ABCB5: variants seen among roughly 807,000 people sequenced by gnomAD.
ABCB5 encodes ATP-binding cassette sub-family B member 5.
In ABCB5, 155 loss-of-function variants were observed where a neutral mutation model predicts 144.2. The ratio of observed to expected loss-of-function variants is 1.08; its 90% CI spans 0.94 to 1.23. The LOEUF is 1.23. ABCB5 is among the 50% of genes most tolerant of loss of function. The probability of loss-of-function intolerance (pLI) is 0.00; values close to 1 mark genes in which losing one functional copy is unlikely to be tolerated. For synonymous variants in ABCB5, 610 were observed against 528.6 expected (o/e 1.15, Z -2.11); for missense variants, 1,830 against 1,520.8 (o/e 1.20, Z -3.38).
intron 24 of ABCB5, 129 bp downstream of exon 24, chr7:20,739,268 T>C: frequency 1.1e-6 from 1 of 888,588 alleles, no homozygotes; most frequent in Non-Finnish European, 1.6e-6. Flanking sequence ...ACTCAGTACC[T>C]GTGTGACAAG....
At chr7:20,639,130 C>G (rs78825850) in intron 5 of ABCB5, among the ~76,000 whole-genome samples, 4,074 of 152,166 alleles carry the variant, frequency 0.027, 72 homozygotes, top group Middle Eastern at 0.051. Flanking sequence ...ATTTAATGTA[C>G]TTTTTATCTA....
chr7:20,676,069 G>C (rs975202124), intron 14 of ABCB5, among the ~76,000 whole-genome samples: 5 of 151,290 alleles, frequency 3.3e-5, no homozygotes, highest in African/African-American at 9.7e-5. Flanking sequence ...TATGACTGAT[G>C]GAAAGTAAAA....
chr7:20,698,281 A>T, intron 16 of ABCB5, 126 bp from the exon 17 acceptor site: 1 of 782,384 alleles, frequency 1.3e-6, no homozygotes, highest in Non-Finnish European at 1.8e-6. Context: ...TAAGAAAAAT[A>T]TTTTCTACCC....
chr7:20,726,358 CTTTTTT>C (rs1172285058), intron 21 of ABCB5, among the ~76,000 whole-genome samples: 6 of 78,434 alleles, frequency 7.6e-5, no homozygotes, highest in Admixed American at 2.0e-4. Flanking sequence ...TCTCTGCTAT[CTTTTTT>C]TTTTTTTTTT....
chr7:20,673,925 G>C (rs1218096158), intron 14 of ABCB5, among the ~76,000 whole-genome samples: 2 of 151,742 alleles, frequency 1.3e-5, no homozygotes, highest in African/African-American at 4.8e-5. Context: ...CTTATTTATA[G>C]AACTTTGATA....
At chr7:20,658,218 G>C (rs1358655931) in intron 13 of ABCB5, among the ~76,000 whole-genome samples, 2 of 151,908 alleles carry the variant, frequency 1.3e-5, no homozygotes, top group Admixed American at 1.3e-4. Flanking sequence ...AAGAGATTTG[G>C]ACATTAGTTT....
chr7:20,636,537 C>A (rs1466784200), intron 5 of ABCB5, among the ~76,000 whole-genome samples: 3 of 151,948 alleles, frequency 2.0e-5, no homozygotes, highest in Non-Finnish European at 2.9e-5. Flanking sequence ...GTAATCCCAA[C>A]ATTTTAGGAG....
At chr7:20,666,884 C>T in intron 14 of ABCB5, 1 of 1,322,024 alleles carries the variant, frequency 7.6e-7, no homozygotes. Flanking sequence ...TAAAAGACAG[C>T]ATCAGCTCAA....
chr7:20,705,360 G>A (rs942820777), intron 20 of ABCB5, among the ~76,000 whole-genome samples: 2 of 152,160 alleles, frequency 1.3e-5, no homozygotes, highest in Non-Finnish European at 2.9e-5. Context: ...AGCATAATAT[G>A]TATCAAAGTC....
intron 16 of ABCB5, among the ~76,000 whole-genome samples, chr7:20,688,406 A>G (rs1352951590): frequency 6.6e-6 from 1 of 152,170 alleles, no homozygotes; most frequent in Non-Finnish European, 1.5e-5. Context: ...GGGTAGCGAA[A>G]GTTAAGACAT....
intron 16 of ABCB5, among the ~76,000 whole-genome samples, chr7:20,697,159 A>G (rs879340476): frequency 2.8e-4 from 42 of 152,314 alleles, no homozygotes; most frequent in Admixed American, 1.2e-3. Context: ...CTTCAGCAGG[A>G]AAAATGATGG....
chr7:20,653,943 CA>C (rs886091027), intron 13 of ABCB5, among the ~76,000 whole-genome samples: 6 of 152,140 alleles, frequency 3.9e-5, no homozygotes, highest in African/African-American at 1.2e-4. Context: ...GCTAAAACAC[CA>C]AAAAAGCCAC....
At chr7:20,752,516 T>C (rs1583471393) in intron 26 of ABCB5, among the ~76,000 whole-genome samples, 2 of 152,228 alleles carry the variant, frequency 1.3e-5, no homozygotes, top group South Asian at 2.1e-4. Context: ...ATGTCACCAT[T>C]ACTACTTAGT....
Position 20,685,843 on chromosome 7 carries a change from G to C in ABCB5, c.2010+7G>C, listed in dbSNP as rs138061453. On this transcript the variant is annotated splice_region_variant and intron_variant, in intron 16 of 27. Coordinates refer to ENST00000404938, the MANE Select transcript of ABCB5 (RefSeq NM_001163941.2). ...ATCCACCCAATCTAAAGAGGTAATG[G>C]CTCAGCGATCAACCAGTTTTTCCTG... is the stretch of plus-strand genomic sequence containing the variant. 8.9e-6 allele frequency: 14 copies of C among 1,575,498 alleles called. No individual in the cohort carries two copies. The highest frequency in any genetic ancestry group is 1.0e-5 in the Non-Finnish European group (12 of 1,167,126).
intron 20 of ABCB5, among the ~76,000 whole-genome samples, chr7:20,712,021 C>T (rs1479273061): frequency 2.1e-5 from 3 of 144,176 alleles, no homozygotes; most frequent in African/African-American, 7.8e-5. Context: ...GGGTGGACCA[C>T]GAGGTCAGGA....
At chr7:20,714,937 G>T (rs2128047282) in intron 20 of ABCB5, among the ~76,000 whole-genome samples, 1 of 152,280 alleles carries the variant, frequency 6.6e-6, no homozygotes, top group South Asian at 2.1e-4. Context: ...GTCTAGCGTG[G>T]CTCTGTGAAG....
intron 21 of ABCB5, 130 bp downstream of exon 21, chr7:20,723,349 A>C: frequency 1.0e-6 from 1 of 965,480 alleles, no homozygotes; most frequent in Non-Finnish European, 1.5e-6. Flanking sequence ...GGGATCTGTA[A>C]AGTGATATGT....
chr7:20,751,009 T>C (rs1253410643), intron 26 of ABCB5, among the ~76,000 whole-genome samples: 1 of 152,178 alleles, frequency 6.6e-6, no homozygotes, highest in Non-Finnish European at 1.5e-5. Context: ...AGTAGGACTT[T>C]GACCACTGTA....
intron 25 of ABCB5, among the ~76,000 whole-genome samples, chr7:20,744,936 G>T (rs1009726651): frequency 7.9e-5 from 12 of 152,130 alleles, no homozygotes; most frequent in Non-Finnish European, 1.6e-4. Flanking sequence ...AATAAACATG[G>T]CTGTGTGCAA....
Sources: gnomAD v4.1 joint callset for allele counts (sites outside exome capture counted in the v4.1 genomes callset) on GRCh38, gnomAD v4.1.1 for gene constraint, MANE v1.5 for transcripts, NCBI Gene and HGNC (gene_info 2026-07-23, HGNC 2026-07-21) for gene names.